Variants in SLC26A6 observed in about 807,000 individuals in gnomAD.
SLC26A6 encodes the protein solute carrier family 26 member 6.
SLC26A6 carries 67 observed loss-of-function variants against 87.1 expected under a neutral mutation model. The ratio of observed to expected loss-of-function variants is 0.77; its 90% CI spans 0.63 to 0.94. The LOEUF (loss-of-function observed/expected upper bound fraction) is 0.94. Ranked by LOEUF, SLC26A6 falls within the 40% of genes least tolerant of loss-of-function variation. The pLI is 0.00. For missense variants in SLC26A6, 902 were observed against 973.0 expected (o/e 0.93, Z 0.97); for synonymous variants, 414 against 405.9 (o/e 1.02, Z -0.24).
At position 48,630,637 on chromosome 3, in the gene SLC26A6, C is replaced by G. The variant is rs778182411; in HGVS notation, c.1218G>C (p.Leu406=). Residue 406 remains leucine, a synonymous_variant, in exon 10 of 21, where the codon CTG becomes CTC. Coordinates refer to ENST00000395550, the MANE Select transcript of SLC26A6 (RefSeq NM_022911.3). The part of the protein sequence containing the change: ...FPVSCSMSRS[L]VQESTGGNSQ... ...AGTTGCCCCCGGTGCTCTCCTGTAC[C>G]AGGCTCCGAGACATAGAGCAACTCA... 48 of 1,592,470 alleles carry G rather than the reference C, an allele frequency of 3.0e-5. No homozygotes were observed. The highest frequency in any genetic ancestry group is 3.8e-5 in the Non-Finnish European group (44 of 1,168,176).
intron 17 of SLC26A6, 135 bp from the exon 18 acceptor site, chr3:48,627,190 G>A: frequency 9.5e-7 from 1 of 1,047,858 alleles, no homozygotes. Flanking sequence ...ACATGCGGGA[G>A]TCACATAGGT....
At position 48,628,282 on chromosome 3, in the gene SLC26A6, G is replaced by A. The variant is rs1029946768; in HGVS notation, c.1800+152C>T. 5.7e-6 allele frequency: 6 copies of A among 1,048,486 alleles called. No homozygotes were observed. The African/African-American group carries it at 9.5e-5, about 17-fold the overall frequency. The allele number at this position is 1,048,486 out of a possible 1,614,324, so 64.9% of individuals were successfully genotyped here. ...AAAATGCTGCCTAGAGCCCGGACCT[G>A]CTAGGGGAGTGAAGCAGGGTCCCTG... On this transcript the variant is annotated intron_variant, in intron 16 of 20. Transcript: ENST00000395550. This position sits in a 1 kb window ranked among gnomAD's most constrained non-coding sequence, Gnocchi z 4.4.
At chr3:48,634,300 G>T (rs558607528) in intron 1 of SLC26A6, 3 of 152,760 alleles carry the variant, frequency 2.0e-5, no homozygotes, top group Non-Finnish European at 2.9e-5. Context: ...ACATGGAAAG[G>T]GAAGTACCCA....
chr3:48,631,712 C>T lies in SLC26A6; in HGVS notation c.840G>A (p.Val280=), dbSNP rs748974749. The change falls in exon 7 of 21, where the codon GTG becomes GTA. Residue 280 remains valine, a synonymous_variant. Transcript: ENST00000395550. ...AAVAGVVLVV[V]KLLNDKLQQQ... is the part of the protein sequence containing the mutation. ...GCTGCAGCTTGTCATTCAACAGCTT[C>T]ACCACCACGAGCACCACCCCAGCCA... The T allele has an allele frequency of 1.0e-4, 165 of 1,613,176 alleles. No homozygotes were observed. Among genetic ancestry groups the T allele is most frequent in the Non-Finnish European group, 1.3e-4 (155 of 1,180,018 alleles).
chr3:48,634,033 C>CT, intron 1 of SLC26A6: 1 of 270,540 alleles, frequency 3.7e-6, no homozygotes, highest in Non-Finnish European at 6.5e-6. Flanking sequence ...TGGCTGAGAG[C>CT]ACACTCAGGG....
In SLC26A6 at chr3:48,628,285, A is replaced by G; in HGVS notation, c.1800+149T>C. On this transcript the variant is annotated intron_variant, in intron 16 of 20. Transcript: ENST00000395550. This position sits in a 1 kb window ranked among gnomAD's most constrained non-coding sequence, Gnocchi z 4.4. ...ATGCTGCCTAGAGCCCGGACCTGCTAGGGGAGTGAAGCAGGGTCCCTGGGA... is the reference window on the plus strand; with the variant it reads ...ATGCTGCCTAGAGCCCGGACCTGCTGGGGGAGTGAAGCAGGGTCCCTGGGA... 9.6e-7 allele frequency: 1 copy of G among 1,040,072 alleles called. No individual in the cohort carries two copies. Among genetic ancestry groups the G allele is most frequent in the Non-Finnish European group, 1.4e-6 (1 of 710,838 alleles). 64.4% of individuals were successfully genotyped at this position (1,040,072 alleles called of 1,614,324 possible). A position where few individuals can be genotyped will look rare whatever the true frequency, so the allele number is the denominator to read the frequency against.
In SLC26A6 at chr3:48,633,966, C is replaced by G. The variant is rs146478105; in HGVS notation, c.24-331G>C. 1.9e-3 allele frequency: 1,674 copies of G among 867,618 alleles called. 22 individuals carry two copies. The African/African-American group carries it at 0.027, about 14-fold the overall frequency. The allele number at this position is 867,618 out of a possible 1,614,324, so 53.7% of individuals were successfully genotyped here. On this transcript the variant is annotated intron_variant, in intron 1 of 20. Transcript: ENST00000395550. ...CCAGGTCCCAGGCTGCTCCCTCCCC[C>G]ACCCAGTCCCTCTCCAGTCCCCAGG...
At chr3:48,631,854 C>A (rs531916582) in intron 6 of SLC26A6, 26 bp downstream of exon 6, 1 of 1,613,166 alleles carries the variant, frequency 6.2e-7, no homozygotes, top group East Asian at 2.2e-5. Flanking sequence ...GCACACCTAC[C>A]CCTCCCTCCC....
In SLC26A6 at chr3:48,631,006, AC is replaced by A; in HGVS notation, c.1120del (p.Val374TrpfsTer25). On this transcript the variant is annotated frameshift_variant, in exon 9 of 21. Transcript: ENST00000395550. LOFTEE classifies it high-confidence loss of function. The part of the protein sequence containing the change: ...KIFALRHGYR[V>X]DSNQELVALG... ...CATCACCCAGACCTGGTTGCTGTCC[AC>A]CCGGTAGCCGTGCCTCAGGGCGAAG... 6.2e-7 allele frequency: 1 copy of A among 1,613,646 alleles called. No individual in the cohort carries two copies. The highest frequency in any genetic ancestry group is 8.5e-7 in the Non-Finnish European group (1 of 1,179,984).
At chr3:48,630,584 C>T in intron 10 of SLC26A6, 23 bp downstream of exon 10, 1 of 1,564,116 alleles carries the variant, frequency 6.4e-7, no homozygotes, top group Non-Finnish European at 8.7e-7. Flanking sequence ...ATGCCCACAC[C>T]CATGCCCACA....
At chr3:48,626,581 A>G (rs1401726777) in intron 19 of SLC26A6, 50 bp downstream of exon 19, 1 of 1,612,372 alleles carries the variant, frequency 6.2e-7, no homozygotes, top group African/African-American at 1.3e-5. Flanking sequence ...CTTGGCCAAA[A>G]GTATCCTACC....
chr3:48,630,399 C>G (rs904798086), intron 11 of SLC26A6, 39 bp downstream of exon 11: 2 of 1,545,794 alleles, frequency 1.3e-6, no homozygotes, highest in African/African-American at 2.7e-5. Context: ...AGAGCCCTGG[C>G]CTGGCCAAGA....
rs953584496 is a variant in SLC26A6, at chr3:48,634,858, G to A, written c.23+513C>T. 4.5e-5 allele frequency: 28 copies of A among 627,558 alleles called. 1 individual carries two copies. Among genetic ancestry groups the A allele is most frequent in the South Asian group, 2.8e-4 (4 of 14,074 alleles). The allele number at this position is 627,558 out of a possible 1,614,324, so 38.9% of individuals were successfully genotyped here. A position where few individuals can be genotyped will look rare whatever the true frequency, so the allele number is the denominator to read the frequency against. ...GAGCCCCCTCTCCTTTCCTACGTGA[G>A]TCACTCAGGTCTTCTTAAAGGGCTC... On this transcript the variant is annotated intron_variant, in intron 1 of 20. Transcript: ENST00000395550.
At chr3:48,634,521 G>T (rs953779987) in intron 1 of SLC26A6, among the ~76,000 whole-genome samples, 1 of 152,132 alleles carries the variant, frequency 6.6e-6, no homozygotes, top group African/African-American at 2.4e-5. Flanking sequence ...CTCACCTGGG[G>T]GGTACTCTCC....
At position 48,628,733 on chromosome 3, in the gene SLC26A6, T is replaced by G; in HGVS notation, c.1600-19A>C. 6.2e-7 allele frequency: 1 copy of G among 1,610,304 alleles called. No homozygotes were observed. The highest frequency in any genetic ancestry group is 8.5e-7 in the Non-Finnish European group (1 of 1,178,308). On this transcript the variant is annotated intron_variant, in intron 14 of 20. Coordinates refer to ENST00000395550, the MANE Select transcript of SLC26A6 (RefSeq NM_022911.3). This position sits in a 1 kb window ranked among gnomAD's most constrained non-coding sequence, Gnocchi z 4.4. ...CCTTGGCCTGGGGATGAGGCAGAAC[T>G]GGTGGTGGCTGAATCTCCTCTCTCC... is the stretch of plus-strand genomic sequence containing the variant.
rs1425156605 is a variant in SLC26A6, at chr3:48,627,036, T to G, written c.1913A>C (p.Lys638Thr). The change falls in exon 18 of 21, where the codon AAG becomes ACG. Residue 638 changes from lysine to threonine, a missense_variant. Transcript: ENST00000395550. Reference sequence around the variant, plus strand: ...ACCATTGGCTGTTGCATCTTCCATCTTATCTCCTGAGCTCACCTGCTGGGG... The same window carrying G: ...ACCATTGGCTGTTGCATCTTCCATCGTATCTCCTGAGCTCACCTGCTGGGG... ...CKMMQVSSGD[K>T]MEDATANGQE... is the part of the protein sequence containing the mutation. 6 of 1,613,880 alleles carry G rather than the reference T, an allele frequency of 3.7e-6. No individual in the cohort carries two copies. In the East Asian group the frequency reaches 1.3e-4, roughly 36 times the overall value.
chr3:48,630,965 C>G, intron 9 of SLC26A6, 28 bp downstream of exon 9: 1 of 1,611,428 alleles, frequency 6.2e-7, no homozygotes, highest in African/African-American at 1.3e-5. Flanking sequence ...CACTTGGATG[C>G]CTCCTACACA....
chr3:48,629,483 G>A (rs777335154), intron 14 of SLC26A6, among the ~76,000 whole-genome samples, 159 bp downstream of exon 14: 3 of 152,140 alleles, frequency 2.0e-5, no homozygotes, highest in Non-Finnish European at 4.4e-5. Flanking sequence ...TACCTCTAGA[G>A]GGGGTCATAG....
intron 4 of SLC26A6, 126 bp downstream of exon 4, chr3:48,632,848 C>T: frequency 1.0e-6 from 1 of 960,422 alleles, no homozygotes; most frequent in South Asian, 1.5e-5. Context: ...CGTGGGCTAG[C>T]CCAGGGATGC....
Sources: allele counts gnomAD v4.1 joint callset (sites outside exome capture counted in the v4.1 genomes callset), GRCh38; gene constraint gnomAD v4.1.1; non-coding constraint Gnocchi (gnomAD v3.1); transcripts MANE v1.5; gene names NCBI Gene and HGNC (gene_info 2026-07-23, HGNC 2026-07-21).